SIPA1: variants seen among roughly 807,000 people sequenced by gnomAD.
The protein encoded by SIPA1 is signal-induced proliferation-associated 1.
Under a neutral mutation model 88.1 loss-of-function variants are expected in SIPA1, and 51 were observed. The ratio of observed to expected loss-of-function variants is 0.58; its 90% CI spans 0.46 to 0.73. SIPA1 has a LOEUF of 0.73. SIPA1 is among the 30% of genes least tolerant of loss of function. SIPA1 has a pLI of 0.00. For synonymous variants in SIPA1, 681 were observed against 664.8 expected (o/e 1.02, Z -0.37); for missense variants, 1,348 against 1,467.6 (o/e 0.92, Z 1.33).
intron 9 of SIPA1, 56 bp downstream of exon 9, chr11:65,647,714 G>C (rs1856160696): frequency 7.9e-7 from 1 of 1,268,664 alleles, no homozygotes; most frequent in Non-Finnish European, 1.0e-6. Flanking sequence ...CCACCGCGCA[G>C]TCTGCGCCTC....
In SIPA1 at chr11:65,647,422, GC is replaced by G; in HGVS notation, c.2074del (p.Arg692AlafsTer107). On this transcript the variant is annotated frameshift_variant, in exon 9 of 16. Transcript: ENST00000534313. LOFTEE classifies it high-confidence loss of function. ...GCTGCGAGACCCGCGAGCTGGCGCT[GC>G]CCCGCGACGGTCAAGGCCGCCTGGG... ...RGCETRELAL[P>X]RDGQGRLGFE... The G allele has an allele frequency of 6.8e-7, 1 of 1,474,604 alleles. No homozygotes were observed. The highest frequency in any genetic ancestry group is 2.4e-5 in the Admixed American group (1 of 41,838). 91.3% of individuals were successfully genotyped at this position (1,474,604 alleles called of 1,614,324 possible).
rs1856032635 is a variant in SIPA1 at position 65,642,703 on chromosome 11, A to C, written c.984+64A>C. ...GCCCCAGTCTGAACCCAGCCTGCCCAGCTCCCAAACCCCTAGCCTTGACCC... is the reference window on the plus strand; with the variant it reads ...GCCCCAGTCTGAACCCAGCCTGCCCCGCTCCCAAACCCCTAGCCTTGACCC... On this transcript the variant is annotated intron_variant, in intron 4 of 15. Coordinates refer to ENST00000534313, the MANE Select transcript of SIPA1 (RefSeq NM_006747.4). The surrounding 1 kb of genome is among the most constrained non-coding windows in gnomAD (Gnocchi z 6.5). 1.4e-6 allele frequency: 2 copies of C among 1,411,128 alleles called. No homozygotes were observed. Among genetic ancestry groups the C allele is most frequent in the South Asian group, 2.9e-5 (2 of 69,856 alleles). The allele number at this position is 1,411,128 out of a possible 1,614,324, so 87.4% of individuals were successfully genotyped here. A position where few individuals can be genotyped will look rare whatever the true frequency, so the allele number is the denominator to read the frequency against.
Position 65,642,720 on chromosome 11 carries a change from C to T in SIPA1, c.984+81C>T. ...GCCTGCCCAGCTCCCAAACCCCTAG[C>T]CTTGACCCTGATCCTGGGCTGGGTG... On this transcript the variant is annotated intron_variant, in intron 4 of 15. Transcript: ENST00000534313. The surrounding 1 kb of genome is among the most constrained non-coding windows in gnomAD (Gnocchi z 6.5). The T allele has an allele frequency of 7.6e-7, 1 of 1,323,626 alleles. No homozygotes were observed. Among genetic ancestry groups the T allele is most frequent in the Non-Finnish European group, 1.0e-6 (1 of 999,752 alleles). 82.0% of individuals were successfully genotyped at this position (1,323,626 alleles called of 1,614,324 possible).
chr11:65,647,087 G>A lies in SIPA1; in HGVS notation c.2031+22G>A, dbSNP rs373801966. 7 of 1,494,248 alleles carry A rather than the reference G, an allele frequency of 4.7e-6. No individual in the cohort carries two copies. The Admixed American group carries it at 9.0e-5, about 19-fold the overall frequency. 92.6% of individuals were successfully genotyped at this position (1,494,248 alleles called of 1,614,324 possible). On this transcript the variant is annotated intron_variant, in intron 8 of 15. Transcript: ENST00000534313. ...GCAGGTGAGCTGGAGTGGTAAACTG[G>A]GGCCCCTGCGCGCGGCGGGGCGGAG... is the stretch of plus-strand genomic sequence containing the variant.
Position 65,649,863 on chromosome 11 carries a change from G to T in SIPA1, c.2744G>T (p.Arg915Met). 1 of 1,614,060 alleles carries T rather than the reference G, an allele frequency of 6.2e-7. No individual in the cohort carries two copies. The highest frequency in any genetic ancestry group is 8.5e-7 in the Non-Finnish European group (1 of 1,179,992). ...RTLSLRNSIS[R>M]IMSEAGSGTL... ...TTGTCTCTGCGGAACTCCATCAGCA[G>T]GAGTGAGTCTGGACCCAGGAGAGCA... The change falls in exon 12 of 16, where the codon AGG becomes ATG. Residue 915 changes from arginine (R) to methionine (M), a missense_variant and splice_region_variant. By Grantham distance (91) the Arg-to-Met change is moderately conservative (BLOSUM62 -1). Around this residue, in one of 4 missense-constraint regions of SIPA1, gnomAD observed 615 missense variants for 559.8 expected, o/e 1.10. Coordinates refer to ENST00000534313, the MANE Select transcript of SIPA1 (RefSeq NM_006747.4).
Position 65,640,984 on chromosome 11 carries a change from T to C in SIPA1, c.63T>C (p.Asp21=). 6.3e-7 allele frequency: 1 copy of C among 1,584,164 alleles called. No homozygotes were observed. The change falls in exon 2 of 16, where the codon GAT becomes GAC. Residue 21 remains aspartate (D), a synonymous_variant. Coordinates refer to ENST00000534313, the MANE Select transcript of SIPA1 (RefSeq NM_006747.4). The stretch of plus-strand genomic sequence containing the variant: ...GGGGCATGGCCCCTGCGTCCACAGA[T>C]GACCTCTTTGCCCGCAAGCTGCGCC... The part of the protein sequence containing the change: ...PRRGMAPAST[D]DLFARKLRQP...
At position 65,650,856 on chromosome 11, in the gene SIPA1, T is replaced by C; in HGVS notation, c.*141T>C. 1.2e-6 allele frequency: 1 copy of C among 867,378 alleles called. No individual in the cohort carries two copies. The highest frequency in any genetic ancestry group is 1.7e-5 in the African/African-American group (1 of 58,994). The allele number at this position is 867,378 out of a possible 1,614,324, so 53.7% of individuals were successfully genotyped here. A position where few individuals can be genotyped will look rare whatever the true frequency, so the allele number is the denominator to read the frequency against. ...TGGTGGCGGAAGTGGCCTCCACCCC[T>C]TCCCTGTTTGTAAATATTCTGTGGA... On this transcript the variant is annotated 3_prime_UTR_variant, in exon 16 of 16. Transcript: ENST00000534313.
chr11:65,648,697 A>G (rs1268545734), intron 9 of SIPA1, among the ~76,000 whole-genome samples: 1 of 151,890 alleles, frequency 6.6e-6, no homozygotes, highest in Admixed American at 6.6e-5. Flanking sequence ...GCCAGGTGTG[A>G]TGGCAGGCAT....
At chr11:65,643,616 G>A (rs1420084572) in intron 4 of SIPA1, among the ~76,000 whole-genome samples, 3 of 152,226 alleles carry the variant, frequency 2.0e-5, no homozygotes, top group African/African-American at 7.2e-5. Flanking sequence ...GAAAGGGAAT[G>A]TTGAGGGCTG....
At chr11:65,640,371 A>C in intron 1 of SIPA1, 1 of 153,110 alleles carries the variant, frequency 6.5e-6, no homozygotes, top group African/African-American at 2.4e-5. Flanking sequence ...CCCTGAAGGA[A>C]GTGGGAGGGG....
rs547551469 is a variant in SIPA1 at position 65,641,134 on chromosome 11, T to G, written c.213T>G (p.Arg71=). 1 of 1,603,630 alleles carries G rather than the reference T, an allele frequency of 6.2e-7. No homozygotes were observed. Among genetic ancestry groups the G allele is most frequent in the African/African-American group, 1.3e-5 (1 of 75,044 alleles). ...CCACGCCAGCCAGCCCCCGTGCCCG[T>G]GCCCACAGCCACGAAGAGGCCAGCC... is the stretch of plus-strand genomic sequence containing the variant. The part of the protein sequence containing the change: ...RPPTPASPRA[R]AHSHEEASRP... Residue 71 remains arginine (R), a synonymous_variant, in exon 2 of 16, where the codon CGT becomes CGG. Transcript: ENST00000534313.
At chr11:65,650,079 C>T in intron 13 of SIPA1, 28 bp downstream of exon 13, 4 of 1,612,618 alleles carry the variant, frequency 2.5e-6, no homozygotes, top group Non-Finnish European at 3.4e-6. Flanking sequence ...CTGCGGTAAG[C>T]CTGGGCAGTG....
intron 9 of SIPA1, 41 bp from the exon 10 acceptor site, chr11:65,649,221 G>A: frequency 7.2e-7 from 1 of 1,392,078 alleles, no homozygotes; most frequent in Middle Eastern, 2.0e-4. Flanking sequence ...CAGGACGCTG[G>A]GGACTGGAGA....
rs1428920619 is a variant in SIPA1, at chr11:65,649,428, G to A, written c.2473G>A (p.Ala825Thr). ...CAGTCCTCCAGGGCCTGGGGATCTG[G>A]CCGAGGAGAGGACTGAGTTCCTGCA... ...GGSPPGPGDL[A>T]EERTEFLHSQ... Residue 825 changes from alanine (A) to threonine (T), a missense_variant, in exon 10 of 16, where the codon GCC becomes ACC. By Grantham distance (58) the Ala-to-Thr change is moderately conservative. Transcript: ENST00000534313. The A allele has an allele frequency of 1.9e-6, 3 of 1,600,550 alleles. No individual in the cohort carries two copies. Among genetic ancestry groups the A allele is most frequent in the Non-Finnish European group, 2.6e-6 (3 of 1,173,514 alleles).
In SIPA1 at chr11:65,650,743, G is replaced by A. The variant is rs1300591320; in HGVS notation, c.*28G>A. On this transcript the variant is annotated 3_prime_UTR_variant, in exon 16 of 16. Coordinates refer to ENST00000534313, the MANE Select transcript of SIPA1 (RefSeq NM_006747.4). The stretch of plus-strand genomic sequence containing the variant: ...CGTCTGGAACCACCTGGGCCCCTGA[G>A]GGCACTGTGGTCACACTGGGCCCTC... The A allele has an allele frequency of 1.3e-6, 2 of 1,530,354 alleles. No homozygotes were observed. The allele number at this position is 1,530,354 out of a possible 1,614,324, so 94.8% of individuals were successfully genotyped here.
chr11:65,642,008 C>A lies in SIPA1; in HGVS notation c.680-242C>A. ...AGAATGAGGGCGTGGTGGGTGGAGC[C>A]AAGGCAGGATTTAGGCCTGGGAGCT... On this transcript the variant is annotated intron_variant, in intron 2 of 15. Transcript: ENST00000534313. The surrounding 1 kb of genome is among the most constrained non-coding windows in gnomAD (Gnocchi z 6.5). The A allele has an allele frequency of 5.2e-6, 3 of 573,120 alleles. No individual in the cohort carries two copies. Among genetic ancestry groups the A allele is most frequent in the Non-Finnish European group, 9.0e-6 (3 of 332,198 alleles). 35.5% of individuals were successfully genotyped at this position (573,120 alleles called of 1,614,324 possible).
chr11:65,647,295 C>T (rs1468470824), intron 8 of SIPA1, 89 bp from the exon 9 acceptor site: 4 of 1,370,084 alleles, frequency 2.9e-6, no homozygotes, highest in Non-Finnish European at 3.8e-6. Context: ...TGGAAAGTTC[C>T]GTGTGGCCTG....
rs763020548 is a variant in SIPA1, at chr11:65,649,430, C to T, written c.2475C>T (p.Ala825=). Reference sequence around the variant, plus strand: ...GTCCTCCAGGGCCTGGGGATCTGGCCGAGGAGAGGACTGAGTTCCTGCACA... The same window carrying T: ...GTCCTCCAGGGCCTGGGGATCTGGCTGAGGAGAGGACTGAGTTCCTGCACA... ...GGSPPGPGDL[A]EERTEFLHSQ... The change falls in exon 10 of 16, where the codon GCC becomes GCT. Residue 825 remains alanine (A), a synonymous_variant. Coordinates refer to ENST00000534313, the MANE Select transcript of SIPA1 (RefSeq NM_006747.4). The T allele has an allele frequency of 3.6e-5, 57 of 1,601,738 alleles. No individual in the cohort carries two copies. In the Admixed American group the frequency reaches 5.2e-4, roughly 14 times the overall value.
At position 65,645,854 on chromosome 11, in the gene SIPA1, C is replaced by CGGATT; in HGVS notation, c.1161_1165dup (p.Ser389TrpfsTer47). 1 of 1,606,270 alleles carries CGGATT rather than the reference C, an allele frequency of 6.2e-7. No homozygotes were observed. The highest frequency in any genetic ancestry group is 8.5e-7 in the Non-Finnish European group (1 of 1,175,116). On this transcript the variant is annotated frameshift_variant and splice_region_variant, in exon 6 of 16. Transcript: ENST00000534313. LOFTEE classifies it high-confidence loss of function. ...TGTGTCCCTAACTTCCTGGCCACAG[C>CGGATT]GGATTCCACAGGCACGCACTCCCTC...
Sources: gnomAD v4.1 joint callset for allele counts (sites outside exome capture counted in the v4.1 genomes callset) on GRCh38, gnomAD v4.1.1 for gene constraint, gnomAD v4.1.1 regional missense constraint, Gnocchi (gnomAD v3.1) non-coding constraint, MANE v1.5 for transcripts, NCBI Gene and HGNC (gene_info 2026-07-23, HGNC 2026-07-21) for gene names.